Variants in NLGN1 observed in about 807,000 individuals in gnomAD.
The protein encoded by NLGN1 is neuroligin-1.
NLGN1 carries 12 observed loss-of-function variants against 65.5 expected under a neutral mutation model. That is an observed-to-expected ratio of 0.18 (90% CI 0.12 to 0.30). The LOEUF (loss-of-function observed/expected upper bound fraction) is 0.30, where lower values mean the gene tolerates loss of function less well. Ranked by LOEUF, NLGN1 falls within the 10% of genes least tolerant of loss-of-function variation. NLGN1 has a pLI of 1.00. For missense variants in NLGN1, 750 were observed against 1,007.1 expected (o/e 0.74, Z 3.46); for synonymous variants, 350 against 359.5 (o/e 0.97, Z 0.30).
At chr3:173,934,237 T>C (rs1332269593) in intron 4 of NLGN1, among the ~76,000 whole-genome samples, 1 of 149,010 alleles carries the variant, frequency 6.7e-6, no homozygotes. Context: ...ATAATAATAA[T>C]GTACTATTAT....
intron 4 of NLGN1, among the ~76,000 whole-genome samples, chr3:173,872,636 G>A (rs1731386479): frequency 6.6e-6 from 1 of 152,128 alleles, no homozygotes; most frequent in African/African-American, 2.4e-5. Flanking sequence ...GGATTTTTTA[G>A]TGTTTAAAGT....
intron 2 of NLGN1, among the ~76,000 whole-genome samples, chr3:173,565,829 A>G (rs1743563222): frequency 6.6e-6 from 1 of 151,460 alleles, no homozygotes; most frequent in Non-Finnish European, 1.5e-5. Flanking sequence ...CAGATATTAG[A>G]ATGAAAATTT....
At chr3:174,146,150 TTC>T (rs201340490) in intron 4 of NLGN1, among the ~76,000 whole-genome samples, 1 of 143,674 alleles carries the variant, frequency 7.0e-6, no homozygotes. Context: ...CCTTCCTTCC[TTC>T]CTCTCTCCCT....
chr3:174,115,526 G>A (rs916759427), intron 4 of NLGN1, among the ~76,000 whole-genome samples: 3 of 152,230 alleles, frequency 2.0e-5, no homozygotes, highest in Non-Finnish European at 2.9e-5. Context: ...TAGAATCCAC[G>A]TTAAGATAAC....
intron 4 of NLGN1, among the ~76,000 whole-genome samples, chr3:173,856,698 A>G (rs1311749180): frequency 3.9e-5 from 6 of 152,142 alleles, no homozygotes; most frequent in African/African-American, 1.2e-4. Context: ...ATAAATGTAA[A>G]TGTATGGATA....
intron 4 of NLGN1, among the ~76,000 whole-genome samples, chr3:173,996,774 T>C (rs1306944958): frequency 6.6e-6 from 1 of 152,208 alleles, no homozygotes; most frequent in African/African-American, 2.4e-5. Flanking sequence ...GGGGAAATTA[T>C]AAAGAAGAGA....
intron 2 of NLGN1, among the ~76,000 whole-genome samples, chr3:173,537,920 CCTT>C (rs1279374690): frequency 6.6e-6 from 1 of 152,094 alleles, no homozygotes; most frequent in East Asian, 1.9e-4. Context: ...ACAGTAACTC[CCTT>C]CTTTGTCTGT....
At chr3:173,764,208 G>T (rs1778417239) in intron 3 of NLGN1, among the ~76,000 whole-genome samples, 1 of 152,120 alleles carries the variant, frequency 6.6e-6, no homozygotes, top group Non-Finnish European at 1.5e-5. Flanking sequence ...AGTAGAGAAG[G>T]TTTTTTAAAA....
chr3:174,016,186 A>C (rs1051924923), intron 4 of NLGN1, among the ~76,000 whole-genome samples: 2 of 152,188 alleles, frequency 1.3e-5, no homozygotes, highest in Non-Finnish European at 1.5e-5. Context: ...AACTGTGCCT[A>C]ATCTAAGATT....
At chr3:174,266,843 A>C (rs9864604) in intron 4 of NLGN1, among the ~76,000 whole-genome samples, 3 of 151,934 alleles carry the variant, frequency 2.0e-5, no homozygotes, top group Non-Finnish European at 4.4e-5. Flanking sequence ...ATTTTTAAAA[A>C]CTTTTTTCTT....
In NLGN1 at chr3:174,148,628, C is replaced by G. The variant is rs1382482081; in HGVS notation, c.647-126687C>G. On this transcript the variant is annotated intron_variant, in intron 4 of 6. Coordinates refer to ENST00000457714, the Ensembl canonical transcript of NLGN1. ...ATATAAATCTGTTTAATAAATACAT[C>G]ATATACACTTTTGCATGGGTTAGAA... Among the ~76,000 whole-genome samples, 6 of 152,100 alleles carry G rather than the reference C, an allele frequency of 3.9e-5. No individual in the cohort carries two copies. The East Asian group carries it at 1.2e-3, about 29-fold the overall frequency.
chr3:173,857,088 A>G (rs1029542746), intron 4 of NLGN1, among the ~76,000 whole-genome samples: 1 of 152,056 alleles, frequency 6.6e-6, no homozygotes. Context: ...ATCTTATTCA[A>G]TACTCACGCT....
chr3:173,986,502 A>T (rs1719963649), intron 4 of NLGN1, among the ~76,000 whole-genome samples: 1 of 152,030 alleles, frequency 6.6e-6, no homozygotes, highest in Non-Finnish European at 1.5e-5. Flanking sequence ...AATAAAAAGG[A>T]TGGGGGGAAA....
At chr3:173,507,825 G>C (rs940653131) in intron 2 of NLGN1, among the ~76,000 whole-genome samples, 6 of 152,128 alleles carry the variant, frequency 3.9e-5, no homozygotes, top group African/African-American at 1.4e-4. Flanking sequence ...TGGTATTAGG[G>C]AAGACATTGG....
At chr3:174,111,028 TA>T (rs754533377) in intron 4 of NLGN1, among the ~76,000 whole-genome samples, 1 of 151,986 alleles carries the variant, frequency 6.6e-6, no homozygotes, top group Non-Finnish European at 1.5e-5. Context: ...CATCCAGCAT[TA>T]AGCAACAGTA....
At chr3:173,811,996 T>C (rs1167759512) in intron 4 of NLGN1, among the ~76,000 whole-genome samples, 1 of 152,220 alleles carries the variant, frequency 6.6e-6, no homozygotes, top group African/African-American at 2.4e-5. Flanking sequence ...CAGTTACCTT[T>C]ATCTTGACAT....
intron 3 of NLGN1, among the ~76,000 whole-genome samples, chr3:173,671,580 C>T (rs1401044260): frequency 1.3e-5 from 2 of 152,176 alleles, no homozygotes; most frequent in Non-Finnish European, 1.5e-5. Flanking sequence ...TTACTTGCAA[C>T]AATACTTCTC....
At chr3:173,539,652 C>CATACAT (rs1560406074) in intron 2 of NLGN1, among the ~76,000 whole-genome samples, 11 of 103,590 alleles carry the variant, frequency 1.1e-4, no homozygotes, top group Admixed American at 4.2e-4. Flanking sequence ...ACATATATAA[C>CATACAT]ATATGTGTAT....
chr3:173,529,111 C>T (rs1401076911), intron 2 of NLGN1, among the ~76,000 whole-genome samples: 1 of 152,088 alleles, frequency 6.6e-6, no homozygotes, highest in Non-Finnish European at 1.5e-5. Context: ...CTTTAAAAAT[C>T]TATCTTTATT....
Sources: allele counts gnomAD v4.1 joint callset (sites outside exome capture counted in the v4.1 genomes callset), GRCh38; gene constraint gnomAD v4.1.1; transcripts MANE v1.5; gene names NCBI Gene and HGNC (gene_info 2026-07-23, HGNC 2026-07-21).